Variants in HAUS1 observed in about 807,000 individuals in gnomAD.
HAUS1 encodes HAUS augmin like complex subunit 1.
Under a neutral mutation model 38.6 loss-of-function variants are expected in HAUS1, and 25 were observed. That is an observed-to-expected ratio of 0.65 (90% CI 0.47 to 0.91). The LOEUF (loss-of-function observed/expected upper bound fraction) is 0.91, where lower values mean the gene tolerates loss of function less well. Among genes scored for constraint, HAUS1 ranks in the 40% least tolerant of loss-of-function variants. The probability of loss-of-function intolerance (pLI) is 0.00; values close to 1 mark genes in which losing one functional copy is unlikely to be tolerated. For synonymous variants in HAUS1, 109 were observed against 112.9 expected (o/e 0.97, Z 0.22); for missense variants, 325 against 328.4 (o/e 0.99, Z 0.08).
intron 7 of HAUS1, 80 bp from the exon 8 acceptor site, chr18:46,125,664 A>T: frequency 1.0e-6 from 1 of 981,112 alleles, no homozygotes; most frequent in Non-Finnish European, 1.6e-6. Flanking sequence ...TTGCCTTTTG[A>T]AAAGGATTAT....
chr18:46,110,222 C>T (rs1186298705), intron 2 of HAUS1, among the ~76,000 whole-genome samples: 3 of 139,180 alleles, frequency 2.2e-5, no homozygotes, highest in African/African-American at 8.0e-5. Flanking sequence ...GTGGCATGAT[C>T]ATAGCTCACT....
chr18:46,105,445 A>G lies in HAUS1; in HGVS notation c.205+77A>G, dbSNP rs771931452. The G allele has an allele frequency of 7.4e-6, 9 of 1,219,800 alleles. No homozygotes were observed. The Admixed American group carries it at 1.2e-4, about 17-fold the overall frequency. 75.6% of individuals were successfully genotyped at this position (1,219,800 alleles called of 1,614,324 possible). On this transcript the variant is annotated intron_variant, in intron 2 of 8. Coordinates refer to ENST00000282058, the MANE Select transcript of HAUS1 (RefSeq NM_138443.4). The stretch of plus-strand genomic sequence containing the variant: ...TTATAACACTAAAGTATACAGGATT[A>G]ATTTACTGTAGACTACTTGTTTTGC...
chr18:46,109,767 A>G (rs1002037006), intron 2 of HAUS1: 2 of 152,168 alleles, frequency 1.3e-5, no homozygotes, highest in African/African-American at 2.4e-5. Context: ...GATTACAGGC[A>G]CATGCCACCG....
intron 5 of HAUS1, among the ~76,000 whole-genome samples, chr18:46,122,960 C>G (rs1206539992): frequency 1.3e-5 from 2 of 152,012 alleles, no homozygotes; most frequent in African/African-American, 4.8e-5. Context: ...CGCCTGTAAT[C>G]CAGCACTTTG....
At chr18:46,108,223 C>T (rs1428071559) in intron 2 of HAUS1, among the ~76,000 whole-genome samples, 1 of 150,718 alleles carries the variant, frequency 6.6e-6, no homozygotes, top group Non-Finnish European at 1.5e-5. Flanking sequence ...GTAATGTTAG[C>T]TGTGGGATTT....
chr18:46,110,388 A>AGGCT (rs953504535), intron 2 of HAUS1, among the ~76,000 whole-genome samples: 1 of 107,170 alleles, frequency 9.3e-6, no homozygotes, highest in Non-Finnish European at 1.7e-5. Flanking sequence ...CTTGTTGCCC[A>AGGCT]GGCTGGAGTG....
chr18:46,105,670 C>T (rs2144241058), intron 2 of HAUS1, among the ~76,000 whole-genome samples: 1 of 151,964 alleles, frequency 6.6e-6, no homozygotes, highest in Middle Eastern at 3.4e-3. Context: ...CAACCTCCAT[C>T]TCCTGGGTTC....
At chr18:46,122,309 A>G (rs1911964592) in intron 4 of HAUS1, among the ~76,000 whole-genome samples, 158 bp from the exon 5 acceptor site, 1 of 151,908 alleles carries the variant, frequency 6.6e-6, no homozygotes, top group African/African-American at 2.4e-5. Context: ...ATCTCTTAAA[A>G]AAAAAAAAAA....
chr18:46,125,622 T>C, intron 7 of HAUS1, 122 bp from the exon 8 acceptor site: 1 of 625,698 alleles, frequency 1.6e-6, no homozygotes, highest in Admixed American at 3.0e-5. Context: ...TTCAGTGTTA[T>C]ATGTACATTG....
intron 1 of HAUS1, 118 bp downstream of exon 1, chr18:46,104,559 A>G (rs1328651040): frequency 1.2e-6 from 1 of 859,824 alleles, no homozygotes; most frequent in Non-Finnish European, 1.7e-6. Flanking sequence ...TATTCCACAC[A>G]TCCGTCTTTT....
At chr18:46,127,308 G>A (rs1899062887) in intron 8 of HAUS1, among the ~76,000 whole-genome samples, 1 of 152,062 alleles carries the variant, frequency 6.6e-6, no homozygotes, top group South Asian at 2.1e-4. Flanking sequence ...TGCTTCAGAA[G>A]ATTATTCTGT....
At chr18:46,123,848 A>C (rs946770257) in intron 6 of HAUS1, among the ~76,000 whole-genome samples, 2 of 152,136 alleles carry the variant, frequency 1.3e-5, no homozygotes, top group African/African-American at 4.8e-5. Context: ...TTGGAATCTA[A>C]TGTTGACAAT....
At chr18:46,121,578 C>T (rs1911944479) in intron 4 of HAUS1, 1 of 151,926 alleles carries the variant, frequency 6.6e-6, no homozygotes, top group Non-Finnish European at 1.5e-5. Flanking sequence ...AAAATAACAG[C>T]AATATTTTCC....
At chr18:46,107,567 C>T (rs1367837300) in intron 2 of HAUS1, among the ~76,000 whole-genome samples, 2 of 152,100 alleles carry the variant, frequency 1.3e-5, no homozygotes, top group Admixed American at 6.6e-5. Flanking sequence ...TTCTTTTATA[C>T]AGTGAAAGTG....
chr18:46,104,637 C>G (rs185298295), intron 1 of HAUS1, among the ~76,000 whole-genome samples, 196 bp downstream of exon 1: 6 of 152,250 alleles, frequency 3.9e-5, no homozygotes, highest in Admixed American at 3.9e-4. Flanking sequence ...CCTTCCTGCC[C>G]GGGCCTCCCC....
At chr18:46,121,996 C>T (rs2144262712) in intron 4 of HAUS1, among the ~76,000 whole-genome samples, 1 of 152,242 alleles carries the variant, frequency 6.6e-6, no homozygotes, top group Non-Finnish European at 1.5e-5. Context: ...CGCATGCCAC[C>T]ATGCCTGGCT....
At chr18:46,111,607 C>G (rs1206674695) in intron 2 of HAUS1, among the ~76,000 whole-genome samples, 4 of 152,116 alleles carry the variant, frequency 2.6e-5, no homozygotes, top group Admixed American at 1.3e-4. Context: ...CAGGTGTGAG[C>G]CACAGCGCCC....
chr18:46,108,887 C>T (rs796908604), intron 2 of HAUS1, among the ~76,000 whole-genome samples: 66 of 151,982 alleles, frequency 4.3e-4, no homozygotes, highest in African/African-American at 6.8e-4. Context: ...CTGGCTAACA[C>T]GGTGAAATCC....
chr18:46,118,259 T>C lies in HAUS1; in HGVS notation c.284T>C (p.Leu95Pro). 1 of 1,612,962 alleles carries C rather than the reference T, an allele frequency of 6.2e-7. No homozygotes were observed. The highest frequency in any genetic ancestry group is 1.1e-5 in the South Asian group (1 of 91,026). The change falls in exon 3 of 9, where the codon CTG becomes CCG. Residue 95 changes from leucine to proline, a missense_variant. Transcript: ENST00000282058. ...ANLSSTGSRY[L>P]NALVDSAVAL... ...CTCTCTAGCACTGGTTCCAGGTATCTGAATGCTTTGGTTGACAGTGCGGTG... is the reference window on the plus strand; with the variant it reads ...CTCTCTAGCACTGGTTCCAGGTATCCGAATGCTTTGGTTGACAGTGCGGTG...
Sources: gnomAD v4.1 joint callset for allele counts (sites outside exome capture counted in the v4.1 genomes callset) on GRCh38, gnomAD v4.1.1 for gene constraint, MANE v1.5 for transcripts, NCBI Gene and HGNC (gene_info 2026-07-23, HGNC 2026-07-21) for gene names.